CHFR: variants seen among roughly 807,000 people sequenced by gnomAD.
CHFR encodes the protein checkpoint with forkhead and ring finger domains.
Under a neutral mutation model 87.6 loss-of-function variants are expected in CHFR, and 57 were observed. That is an observed-to-expected ratio of 0.65 (90% confidence interval 0.53 to 0.81). CHFR has a LOEUF of 0.81. Among genes scored for constraint, CHFR ranks in the 30% least tolerant of loss-of-function variants. CHFR has a pLI of 0.00. For synonymous variants in CHFR, 381 were observed against 359.2 expected, an observed-to-expected ratio of 1.06 and a Z score of -0.69; for missense variants, 797 against 865.8, an observed-to-expected ratio of 0.92 and a Z score of 1.00.
chr12:132,857,730 C>T (rs994672512), intron 8 of CHFR, among the ~76,000 whole-genome samples, 171 bp from the exon 9 acceptor site: 1 of 152,158 alleles, frequency 6.6e-6, no homozygotes, highest in African/African-American at 2.4e-5. Flanking sequence ...AGAGGCCACA[C>T]GGCCTCTGTG....
chr12:132,843,432 A>C lies in CHFR; in HGVS notation c.1844-349T>G, dbSNP rs567012686. 6.0e-5 allele frequency among the ~76,000 whole-genome samples: 9 copies of C among 151,216 alleles called. No homozygotes were observed. In the South Asian group the frequency reaches 1.9e-3, roughly 31 times the overall value. On this transcript the variant is annotated intron_variant, in intron 16 of 17. Transcript: ENST00000450056. The stretch of plus-strand genomic sequence containing the variant: ...CAGAGTCAGACTCTGTCTCAAAAAT[A>C]AATAAATAAATAAAAATTAAAAAAT...
chr12:132,842,955 G>A (rs1285195740), intron 17 of CHFR, 56 bp downstream of exon 17: 1 of 1,412,970 alleles, frequency 7.1e-7, no homozygotes, highest in African/African-American at 1.4e-5. Context: ...TTATAAGCAG[G>A]CAGTTAACTC....
chr12:132,881,239 C>G (rs572197658), intron 2 of CHFR, among the ~76,000 whole-genome samples: 240 of 145,284 alleles, frequency 1.7e-3, no homozygotes, highest in African/African-American at 5.0e-3. Context: ...AGCCTGGCAA[C>G]AGAGCGAGAC....
At position 132,852,489 on chromosome 12, in the gene CHFR, G is replaced by A. The variant is rs573248769; in HGVS notation, c.1373-752C>T. Among the ~76,000 whole-genome samples, 292 of 151,826 alleles carry A rather than the reference G, an allele frequency of 1.9e-3. 1 individual carries two copies. Among genetic ancestry groups the A allele is most frequent in the Non-Finnish European group, 3.4e-3 (232 of 67,936 alleles). On this transcript the variant is annotated intron_variant, in intron 11 of 17. Transcript: ENST00000450056. ...CTGAGCCCACACAGCCAAGTTCCCT[G>A]GACACTCGCCACCCACACAGGAAAG...
chr12:132,861,634 C>A lies in CHFR; in HGVS notation c.584G>T (p.Gly195Val). 1 of 1,613,888 alleles carries A rather than the reference C, an allele frequency of 6.2e-7. No homozygotes were observed. The highest frequency in any genetic ancestry group is 1.3e-5 in the African/African-American group (1 of 75,032). ...PAGRERSSSCGSGGGGISPKG... is the reference protein window; with the variant it reads ...PAGRERSSSCVSGGGGISPKG... ...AGGGGAGATGCCACCACCCCCAGAC[C>A]CTGTGAGAGGAATCAAACAAGATAG... The change falls in exon 7 of 18, where the codon GGG becomes GTG. Residue 195 changes from glycine (G) to valine (V), a missense_variant and splice_region_variant. Gly to Val is a moderately radical substitution (Grantham distance 109, BLOSUM62 -3). Coordinates refer to ENST00000450056, the MANE Select transcript of CHFR (RefSeq NM_001161346.2).
intron 8 of CHFR, 99 bp from the exon 9 acceptor site, chr12:132,857,658 G>C (rs945070125): frequency 2.5e-6 from 3 of 1,187,664 alleles, no homozygotes; most frequent in Non-Finnish European, 3.5e-6. Flanking sequence ...GGGCCTACAG[G>C]GGCCCAGCCA....
rs773102049 is a variant in CHFR at position 132,859,184 on chromosome 12, C to T, written c.795G>A (p.Pro265=). 8.1e-6 allele frequency: 13 copies of T among 1,613,850 alleles called. No individual in the cohort carries two copies. The highest frequency in any genetic ancestry group is 8.0e-5 in the African/African-American group (6 of 74,906). The change falls in exon 8 of 18, where the codon CCG becomes CCA. Residue 265 remains proline, a synonymous_variant. Transcript: ENST00000450056. The part of the protein sequence containing the change: ...DLNGQLLVAQ[P]RRNAQTVHED... ...CGTGGACGGTTTGGGCATTTCTACG[C>T]GGTTGTGCGACCAACAACTGCCCGT...
At chr12:132,853,839 C>G (rs1266359852) in intron 10 of CHFR, 1 of 475,612 alleles carries the variant, frequency 2.1e-6, no homozygotes, top group South Asian at 2.8e-5. Flanking sequence ...TAGGTCCCCA[C>G]TGACGTGTGC....
At chr12:132,845,476 A>T (rs1435300313) in intron 15 of CHFR, among the ~76,000 whole-genome samples, 1 of 151,068 alleles carries the variant, frequency 6.6e-6, no homozygotes, top group East Asian at 1.9e-4. Context: ...AAATAAATAA[A>T]TAAATAAAAA....
In CHFR at chr12:132,835,615, G is replaced by A. The variant is rs916262428; in HGVS notation, c.*5939C>T. The A allele has an allele frequency of 7.7e-5, 14 of 182,084 alleles. No individual in the cohort carries two copies. Among genetic ancestry groups the A allele is most frequent in the African/African-American group, 3.4e-4 (14 of 41,670 alleles). The allele number at this position is 182,084 out of a possible 1,614,324, so 11.3% of individuals were successfully genotyped here. On this transcript the variant is annotated 3_prime_UTR_variant, in exon 18 of 18. Coordinates refer to ENST00000450056, the MANE Select transcript of CHFR (RefSeq NM_001161346.2). Reference sequence around the variant, plus strand: ...CAAGGAGATGCTGCCCACGAGCCAAGGAGACAGACCAAAGAGGAACCGGCC... The same window carrying A: ...CAAGGAGATGCTGCCCACGAGCCAAAGAGACAGACCAAAGAGGAACCGGCC...
chr12:132,869,812 G>C lies in CHFR; in HGVS notation c.404-14C>G. The C allele has an allele frequency of 1.3e-6, 2 of 1,551,270 alleles. No homozygotes were observed. The highest frequency in any genetic ancestry group is 1.7e-6 in the Non-Finnish European group (2 of 1,146,962). Reference sequence around the variant, plus strand: ...CACCTGAGGTATCTTTGGTCCCATGGAACACATTTTCCTTGTTAGCTTCTG... The same window carrying C: ...CACCTGAGGTATCTTTGGTCCCATGCAACACATTTTCCTTGTTAGCTTCTG... On this transcript the variant is annotated splice_polypyrimidine_tract_variant and intron_variant, in intron 5 of 17. Transcript: ENST00000450056.
Position 132,887,309 on chromosome 12 carries a change from C to A in CHFR, c.20G>T (p.Gly7Val), listed in dbSNP as rs1453369842. Residue 7 changes from glycine (G) to valine (V), a missense_variant, in exon 2 of 18, where the codon GGC becomes GTC. Gly to Val is a moderately radical substitution (Grantham distance 109, BLOSUM62 -3). Around this residue, in one of 2 missense-constraint regions of CHFR, gnomAD observed 597 missense variants for 601.2 expected, o/e 0.99. Coordinates refer to ENST00000450056, the MANE Select transcript of CHFR (RefSeq NM_001161346.2). ...GGGCTGCGGCGGCGGCGACTGCTTG[C>A]CTTCCTCGGGCCGCTCCATCGGGAT... MERPEE[G>V]KQSPPPQPWG... The A allele has an allele frequency of 4.1e-6, 6 of 1,478,892 alleles. No individual in the cohort carries two copies. The highest frequency in any genetic ancestry group is 5.3e-6 in the Non-Finnish European group (6 of 1,122,038). The allele number at this position is 1,478,892 out of a possible 1,614,324, so 91.6% of individuals were successfully genotyped here.
Position 132,848,082 on chromosome 12 carries a change from TACC to T in CHFR, c.1647_1647+2del. On this transcript the variant is annotated splice_donor_variant and coding_sequence_variant, in exon 14 of 18. Coordinates refer to ENST00000450056, the MANE Select transcript of CHFR (RefSeq NM_001161346.2). LOFTEE classifies it high-confidence loss of function. ...GGCTCCCCAGCCCGCAGCGAGTCGG[TACC>T]TTCAGGATGTCTGACTCGTAGCTGT... 1 of 1,614,024 alleles carries T rather than the reference TACC, an allele frequency of 6.2e-7. No homozygotes were observed. Among genetic ancestry groups the T allele is most frequent in the South Asian group, 1.1e-5 (1 of 91,076 alleles).
rs564432661 is a variant in CHFR at position 132,880,872 on chromosome 12, G to A, written c.134-3218C>T. Among the ~76,000 whole-genome samples the A allele has an allele frequency of 9.9e-5, 15 of 152,148 alleles. No homozygotes were observed. In the South Asian group the frequency reaches 1.0e-3, roughly 11 times the overall value. ...CCCAGCTACACGGGAGGCTAAGGCAGGAGAATGGTGGGAACCCAGGAAGCG... is the reference window on the plus strand; with the variant it reads ...CCCAGCTACACGGGAGGCTAAGGCAAGAGAATGGTGGGAACCCAGGAAGCG... On this transcript the variant is annotated intron_variant, in intron 2 of 17. Transcript: ENST00000450056.
chr12:132,869,650 A>T lies in CHFR; in HGVS notation c.552T>A (p.Ser184=). 1 of 1,551,620 alleles carries T rather than the reference A, an allele frequency of 6.4e-7. No homozygotes were observed. The highest frequency in any genetic ancestry group is 8.7e-7 in the Non-Finnish European group (1 of 1,146,970). ...PTASASSTEP[S]PAGRERSSSC... is the part of the protein sequence containing the mutation. ...TGGAGGAACGCTCTCGCCCTGCAGGAGAAGGCTCCGTGGAAGAGGCCGAGG... is the reference window on the plus strand; with the variant it reads ...TGGAGGAACGCTCTCGCCCTGCAGGTGAAGGCTCCGTGGAAGAGGCCGAGG... The change falls in exon 6 of 18, where the codon TCT becomes TCA. Residue 184 remains serine, a synonymous_variant. Transcript: ENST00000450056.
At chr12:132,861,754 G>T in intron 6 of CHFR, 120 bp from the exon 7 acceptor site, 1 of 876,828 alleles carries the variant, frequency 1.1e-6, no homozygotes, top group Non-Finnish European at 1.8e-6. Flanking sequence ...CGTAGTTTAG[G>T]AATGACAAGT....
At chr12:132,878,777 G>A (rs1363824972) in intron 2 of CHFR, among the ~76,000 whole-genome samples, 12 of 139,922 alleles carry the variant, frequency 8.6e-5, no homozygotes, top group Non-Finnish European at 1.4e-4. Flanking sequence ...CCGATATGGC[G>A]CCACTGCACT....
rs201350082 is a variant in CHFR at position 132,848,721 on chromosome 12, G to A, written c.1496C>T (p.Ala499Val). The A allele has an allele frequency of 2.7e-4, 422 of 1,581,038 alleles. No homozygotes were observed. The highest frequency in any genetic ancestry group is 3.4e-4 in the Non-Finnish European group (395 of 1,163,418). Residue 499 changes from alanine to valine, a missense_variant, in exon 13 of 18, where the codon GCG becomes GTG. Physicochemically the swap from Ala to Val is moderately conservative, Grantham distance 64 (BLOSUM62 0). Coordinates refer to ENST00000450056, the MANE Select transcript of CHFR (RefSeq NM_001161346.2). ...GTGGCAGAAAGGCTGCAGGCAGACC[G>A]CACCTGTGGAGAGAGGACACTCGTT... ...QDPRVAPQQC[A>V]VCLQPFCHLY...
At chr12:132,858,301 A>C (rs1951129438) in intron 8 of CHFR, among the ~76,000 whole-genome samples, 1 of 152,124 alleles carries the variant, frequency 6.6e-6, no homozygotes, top group African/African-American at 2.4e-5. Context: ...TGGAGGTTGC[A>C]GTGAGCCAAG....
Sources: gnomAD v4.1 joint callset for allele counts (sites outside exome capture counted in the v4.1 genomes callset) on GRCh38, gnomAD v4.1.1 for gene constraint, gnomAD v4.1.1 regional missense constraint, MANE v1.5 for transcripts, NCBI Gene and HGNC (gene_info 2026-07-23, HGNC 2026-07-21) for gene names.